ELF2: variants seen among roughly 807,000 people sequenced by gnomAD.
ELF2 encodes the protein E74 like ETS transcription factor 2.
Under a neutral mutation model 54.8 loss-of-function variants are expected in ELF2, and 11 were observed. That is an observed-to-expected ratio of 0.20 (90% CI 0.13 to 0.33). ELF2 has a LOEUF of 0.33. Among genes scored for constraint, ELF2 ranks in the 10% least tolerant of loss-of-function variants. The pLI is 1.00. For missense variants in ELF2, 513 were observed against 703.0 expected, an observed-to-expected ratio of 0.73 and a Z score of 3.06; for synonymous variants, 203 against 245.1, an observed-to-expected ratio of 0.83 and a Z score of 1.61.
intron 1 of ELF2, among the ~76,000 whole-genome samples, chr4:139,143,699 G>A (rs888227891): frequency 3.9e-5 from 6 of 152,252 alleles, no homozygotes; most frequent in African/African-American, 9.6e-5. Flanking sequence ...GCAGGAGCTC[G>A]AGCTCGGGAG....
chr4:139,094,984 C>T (rs1259448002), intron 4 of ELF2, among the ~76,000 whole-genome samples: 2 of 152,070 alleles, frequency 1.3e-5, no homozygotes, highest in Non-Finnish European at 2.9e-5. Context: ...ACAATGTTAA[C>T]AGTTTATCTG....
At chr4:139,140,778 C>G (rs1738628229) in intron 1 of ELF2, among the ~76,000 whole-genome samples, 2 of 151,778 alleles carry the variant, frequency 1.3e-5, no homozygotes, top group African/African-American at 4.8e-5. Flanking sequence ...AGGAAAAGTC[C>G]TCTTCCATTA....
intron 4 of ELF2, chr4:139,084,117 G>A (rs764130140): frequency 3.7e-6 from 6 of 1,613,144 alleles, no homozygotes; most frequent in African/African-American, 2.7e-5. Context: ...CGGGAGAAAA[G>A]TTCCCCTGTC....
intron 1 of ELF2, among the ~76,000 whole-genome samples, chr4:139,169,247 T>C (rs1345851125): frequency 6.6e-6 from 1 of 150,854 alleles, no homozygotes; most frequent in African/African-American, 2.4e-5. Flanking sequence ...ACGTGGAAAG[T>C]TGAGGCAGGA....
chr4:139,139,561 A>T, intron 1 of ELF2, 64 bp from the exon 2 acceptor site: 1 of 891,322 alleles, frequency 1.1e-6, no homozygotes, highest in South Asian at 5.8e-5. Flanking sequence ...CTATGCTCAA[A>T]CAGATGTGAT....
intron 7 of ELF2, among the ~76,000 whole-genome samples, chr4:139,062,625 G>T (rs1728046618): frequency 6.6e-6 from 1 of 152,198 alleles, no homozygotes; most frequent in East Asian, 1.9e-4. Flanking sequence ...AAGTTAACCT[G>T]AATTAAACAG....
intron 4 of ELF2, among the ~76,000 whole-genome samples, chr4:139,098,357 TAAAGAG>T: frequency 6.6e-6 from 1 of 152,158 alleles, no homozygotes; most frequent in Non-Finnish European, 1.5e-5. Context: ...TTTAGCAGTA[TAAAGAG>T]TATCTCTCTG....
At chr4:139,077,669 AT>A (rs1730504971) in intron 4 of ELF2, among the ~76,000 whole-genome samples, 1 of 152,188 alleles carries the variant, frequency 6.6e-6, no homozygotes, top group African/African-American at 2.4e-5. Context: ...AAAAAATACT[AT>A]TTTGTTCAGA....
At chr4:139,167,785 C>T (rs1741871419) in intron 1 of ELF2, among the ~76,000 whole-genome samples, 2 of 152,298 alleles carry the variant, frequency 1.3e-5, no homozygotes, top group South Asian at 2.1e-4. Flanking sequence ...GAAAAGTTCA[C>T]CAAACTGCCC....
Position 139,160,125 on chromosome 4 carries a change from CAGG to C in ELF2, c.-252+16839_-252+16841del, listed in dbSNP as rs377017689. Among the ~76,000 whole-genome samples, 457 of 152,234 alleles carry C rather than the reference CAGG, an allele frequency of 3.0e-3. 3 individuals are homozygous for C. The highest frequency in any genetic ancestry group is 0.01 in the African/African-American group (433 of 41,546). On this transcript the variant is annotated intron_variant, in intron 1 of 9. Transcript: ENST00000686138. ...GGCCAAGGCGGGCAGATCACGAGGT[CAGG>C]AGATTGAGACCATCCTGGCTAACAC... is the stretch of plus-strand genomic sequence containing the variant.
At chr4:139,068,817 A>G (rs980172803) in intron 6 of ELF2, among the ~76,000 whole-genome samples, 21 of 152,216 alleles carry the variant, frequency 1.4e-4, no homozygotes, top group African/African-American at 4.8e-4. Flanking sequence ...ATAAATTGGG[A>G]ATACTTAAGT....
At chr4:139,104,508 C>CA (rs34642901) in intron 4 of ELF2, among the ~76,000 whole-genome samples, 26,718 of 76,332 alleles carry the variant, frequency 0.35, 3,800 homozygotes, top group East Asian at 0.57. Flanking sequence ...GACTCTGTCT[C>CA]AAAAAAAAAA....
intron 4 of ELF2, among the ~76,000 whole-genome samples, chr4:139,086,057 T>TA (rs540018178): frequency 1.1e-3 from 160 of 152,276 alleles, no homozygotes; most frequent in Admixed American, 3.1e-3. Context: ...TTAGAAGTTA[T>TA]AAAAAAAGTT....
chr4:139,176,004 A>G (rs986943468), intron 1 of ELF2, among the ~76,000 whole-genome samples: 5 of 152,182 alleles, frequency 3.3e-5, no homozygotes, highest in Non-Finnish European at 7.3e-5. Context: ...AAATGCCCAA[A>G]TGGAGCAGAA....
At chr4:139,086,782 G>A (rs2148745522) in intron 4 of ELF2, among the ~76,000 whole-genome samples, 1 of 152,224 alleles carries the variant, frequency 6.6e-6, no homozygotes, top group African/African-American at 2.4e-5. Context: ...AAATAATAGG[G>A]TGTATATACA....
intron 1 of ELF2, among the ~76,000 whole-genome samples, chr4:139,143,796 T>C (rs1738948864): frequency 6.6e-6 from 1 of 151,662 alleles, no homozygotes; most frequent in African/African-American, 2.4e-5. Flanking sequence ...AAAAATAAAC[T>C]AAAATAAAGA....
intron 1 of ELF2, among the ~76,000 whole-genome samples, chr4:139,162,659 C>T (rs529203423): frequency 2.6e-5 from 4 of 152,128 alleles, no homozygotes; most frequent in African/African-American, 9.7e-5. Context: ...ATGTCCAGAT[C>T]GTTTCCAAAT....
At chr4:139,152,698 T>G (rs1032139459) in intron 1 of ELF2, among the ~76,000 whole-genome samples, 1 of 152,072 alleles carries the variant, frequency 6.6e-6, no homozygotes, top group Admixed American at 6.6e-5. Flanking sequence ...ATGAAAAAGC[T>G]CCATTACCCT....
chr4:139,095,185 ATT>A (rs200556112), intron 4 of ELF2, among the ~76,000 whole-genome samples: 107 of 139,950 alleles, frequency 7.6e-4, no homozygotes, highest in African/African-American at 2.1e-3. Context: ...TTTGCTATAG[ATT>A]TTTTTTTTTT....
Sources: gnomAD v4.1 joint callset for allele counts (sites outside exome capture counted in the v4.1 genomes callset) on GRCh38, gnomAD v4.1.1 for gene constraint, MANE v1.5 for transcripts, NCBI Gene and HGNC (gene_info 2026-07-23, HGNC 2026-07-21) for gene names.